Variants in SAAL1 observed in about 807,000 individuals in gnomAD.
SAAL1 encodes protein SAAL1.
In SAAL1, 42 loss-of-function variants were observed where a neutral mutation model predicts 59.8. The ratio of observed to expected loss-of-function variants is 0.70; its 90% CI spans 0.55 to 0.91. SAAL1 has a LOEUF of 0.91. Ranked by LOEUF, SAAL1 falls within the 40% of genes least tolerant of loss-of-function variation. SAAL1 has a pLI of 0.00. For missense variants in SAAL1, 542 were observed against 561.1 expected, an observed-to-expected ratio of 0.97 and a Z score of 0.34; for synonymous variants, 191 against 194.3, an observed-to-expected ratio of 0.98 and a Z score of 0.14.
chr11:18,098,202 A>T (rs536597994), intron 2 of SAAL1, among the ~76,000 whole-genome samples: 53 of 152,372 alleles, frequency 3.5e-4, no homozygotes, highest in African/African-American at 1.2e-3. Context: ...GGTAGGGGAA[A>T]GAAGTCAAGA....
In SAAL1 at chr11:18,081,459, C is replaced by T; in HGVS notation, c.1284G>A (p.Gln428=). Residue 428 remains glutamine, a synonymous_variant, in exon 11 of 12, where the codon CAG becomes CAA. Transcript: ENST00000524803. ...QGVKEGQLSK[Q]KCSSAFQNLL... The stretch of plus-strand genomic sequence containing the variant: ...GGTTTTGAAATGCAGAGGAACACTT[C>T]TGTTTGCTCAACTGGCCTTCCTTTA... 1 of 1,614,144 alleles carries T rather than the reference C, an allele frequency of 6.2e-7. No individual in the cohort carries two copies. The highest frequency in any genetic ancestry group is 8.5e-7 in the Non-Finnish European group (1 of 1,179,988).
At chr11:18,096,502 G>A (rs1245463271) in intron 3 of SAAL1, among the ~76,000 whole-genome samples, 1 of 152,048 alleles carries the variant, frequency 6.6e-6, no homozygotes, top group Non-Finnish European at 1.5e-5. Context: ...AGGGTCCCTT[G>A]AGCCCAGGAG....
intron 10 of SAAL1, among the ~76,000 whole-genome samples, chr11:18,082,015 TA>T (rs955916319): frequency 2.8e-4 from 42 of 152,186 alleles, no homozygotes; most frequent in African/African-American, 9.7e-5. Context: ...TGCTTAAAAG[TA>T]AAAAATCTTT....
chr11:18,080,320 A>G lies in SAAL1; in HGVS notation c.*79T>C. On this transcript the variant is annotated 3_prime_UTR_variant, in exon 12 of 12. Transcript: ENST00000524803. ...TGGTCTAATATGGGCTTTAGTTAAT[A>G]TTTCCAATAAGTCAATTTCAACTGT... 1.1e-6 allele frequency: 1 copy of G among 910,388 alleles called. No individual in the cohort carries two copies. Among genetic ancestry groups the G allele is most frequent in the Non-Finnish European group, 1.7e-6 (1 of 583,838 alleles). 56.4% of individuals were successfully genotyped at this position (910,388 alleles called of 1,614,324 possible).
chr11:18,083,756 G>T, intron 9 of SAAL1, 25 bp from the exon 10 acceptor site: 1 of 1,499,804 alleles, frequency 6.7e-7, no homozygotes, highest in South Asian at 1.3e-5. Context: ...CAAGAAGCAT[G>T]GAATTGGCCA....
chr11:18,091,223 A>C (rs1218636134), intron 4 of SAAL1, among the ~76,000 whole-genome samples: 1 of 149,832 alleles, frequency 6.7e-6, no homozygotes, highest in Non-Finnish European at 1.5e-5. Flanking sequence ...CAGCACATGC[A>C]TATGTTCCAA....
intron 10 of SAAL1, among the ~76,000 whole-genome samples, chr11:18,082,573 T>C (rs758683667): frequency 2.4e-4 from 35 of 146,670 alleles, no homozygotes; most frequent in Non-Finnish European, 4.3e-4. Context: ...AATACAAATA[T>C]GGAAAAGGGA....
chr11:18,102,055 G>A (rs1848639613), intron 2 of SAAL1, among the ~76,000 whole-genome samples: 1 of 152,128 alleles, frequency 6.6e-6, no homozygotes, highest in South Asian at 2.1e-4. Context: ...CAGGGGTGAT[G>A]GGTATGCGCT....
chr11:18,092,263 C>G lies in SAAL1; in HGVS notation c.395G>C (p.Ser132Thr). Residue 132 changes from serine (S) to threonine (T), a missense_variant, in exon 4 of 12, where the codon AGC becomes ACC. Transcript: ENST00000524803. Reference protein sequence around the residue: ...ACFQEICVSISSDKNLGQVLL... With the variant: ...ACFQEICVSITSDKNLGQVLL... ...GACTTACCCAAGATTTTTATCACTG[C>G]TGATGGACACACATATCTCCTGGAA... The G allele has an allele frequency of 1.9e-6, 3 of 1,592,228 alleles. No homozygotes were observed. The highest frequency in any genetic ancestry group is 3.3e-4 in the Middle Eastern group (2 of 6,028).
chr11:18,092,384 A>G, intron 3 of SAAL1, 60 bp from the exon 4 acceptor site: 1 of 1,119,890 alleles, frequency 8.9e-7, no homozygotes, highest in Non-Finnish European at 1.3e-6. Flanking sequence ...AAACAAAAAT[A>G]TCAACTTGAA....
chr11:18,087,677 A>G (rs954576812), intron 7 of SAAL1, among the ~76,000 whole-genome samples: 1 of 152,240 alleles, frequency 6.6e-6, no homozygotes, highest in African/African-American at 2.4e-5. Context: ...CACTAAAACC[A>G]TGTAAGTCTA....
chr11:18,094,074 C>T (rs537822313), intron 3 of SAAL1: 1 of 152,262 alleles, frequency 6.6e-6, no homozygotes, highest in Non-Finnish European at 1.5e-5. Context: ...ATACAGATTT[C>T]CAAATCTCAT....
At chr11:18,100,158 G>A (rs1359279764) in intron 2 of SAAL1, among the ~76,000 whole-genome samples, 1 of 152,114 alleles carries the variant, frequency 6.6e-6, no homozygotes, top group South Asian at 2.1e-4. Context: ...AATAATTGTA[G>A]AATAGAAAGT....
At chr11:18,090,357 G>A (rs1470110996) in intron 5 of SAAL1, 67 bp from the exon 6 acceptor site, 29 of 1,557,074 alleles carry the variant, frequency 1.9e-5, no homozygotes, top group African/African-American at 1.3e-4. Context: ...AAGGAAATTC[G>A]AAAATAAAAA....
chr11:18,080,926 T>A (rs1391125545), intron 11 of SAAL1, among the ~76,000 whole-genome samples: 1 of 152,230 alleles, frequency 6.6e-6, no homozygotes, highest in Non-Finnish European at 1.5e-5. Flanking sequence ...GAGCTTATTT[T>A]TTTCCTCTTA....
intron 1 of SAAL1, among the ~76,000 whole-genome samples, chr11:18,104,655 T>A (rs1032100495): frequency 1.3e-5 from 2 of 152,088 alleles, no homozygotes; most frequent in African/African-American, 4.8e-5. Context: ...TAGTTTGTCA[T>A]GTGAAGAAGG....
At chr11:18,096,672 GGTCA>G (rs1315306585) in intron 3 of SAAL1, 95 bp downstream of exon 3, 3 of 716,706 alleles carry the variant, frequency 4.2e-6, no homozygotes, top group Admixed American at 4.5e-5. Context: ...GTTGATTTAT[GGTCA>G]GTAAGAAAAT....
intron 4 of SAAL1, 116 bp from the exon 5 acceptor site, chr11:18,090,609 C>T (rs1848514337): frequency 2.6e-6 from 3 of 1,139,196 alleles, no homozygotes; most frequent in Non-Finnish European, 3.7e-6. Context: ...TTCAGAAAAG[C>T]TCAAAAGATA....
At chr11:18,096,721 T>C (rs763908390) in intron 3 of SAAL1, 50 bp downstream of exon 3, 10 of 928,590 alleles carry the variant, frequency 1.1e-5, no homozygotes, top group Non-Finnish European at 1.8e-5. Flanking sequence ...TCCAGCACTA[T>C]CTGTTCTTAT....
Sources: gnomAD v4.1 joint callset for allele counts (sites outside exome capture counted in the v4.1 genomes callset) on GRCh38, gnomAD v4.1.1 for gene constraint, MANE v1.5 for transcripts, NCBI Gene and HGNC (gene_info 2026-07-23, HGNC 2026-07-21) for gene names.